Variants in SPATA16 observed in about 807,000 individuals in gnomAD.
The protein encoded by SPATA16 is spermatogenesis-associated protein 16.
A neutral mutation model predicts 63.3 loss-of-function variants in SPATA16; 36 were observed. The ratio of observed to expected loss-of-function variants is 0.57; its 90% confidence interval spans 0.44 to 0.75. The LOEUF (loss-of-function observed/expected upper bound fraction) is 0.75, where lower values mean the gene tolerates loss of function less well. SPATA16 is among the 30% of genes least tolerant of loss of function. The pLI is 0.00. For synonymous variants in SPATA16, 203 were observed against 216.7 expected, an observed-to-expected ratio of 0.94 and a Z score of 0.56; for missense variants, 646 against 679.3, an observed-to-expected ratio of 0.95 and a Z score of 0.54.
intron 2 of SPATA16, among the ~76,000 whole-genome samples, chr3:173,083,887 C>T (rs1161261500): frequency 6.6e-6 from 1 of 152,140 alleles, no homozygotes; most frequent in African/African-American, 2.4e-5. Context: ...TCCAGTCTAT[C>T]ATTGATGGGC....
At chr3:173,062,349 G>A (rs891958038) in intron 2 of SPATA16, among the ~76,000 whole-genome samples, 2 of 152,124 alleles carry the variant, frequency 1.3e-5, no homozygotes, top group African/African-American at 4.8e-5. Flanking sequence ...TAAAATGTTA[G>A]TAGTATGTTT....
intron 3 of SPATA16, among the ~76,000 whole-genome samples, chr3:173,031,229 G>C (rs1020529173): frequency 6.6e-6 from 1 of 151,928 alleles, no homozygotes; most frequent in Non-Finnish European, 1.5e-5. Context: ...TTTATGTTAT[G>C]TATATTTTAC....
intron 6 of SPATA16, among the ~76,000 whole-genome samples, chr3:172,956,409 C>A (rs1733596216): frequency 6.6e-6 from 1 of 152,078 alleles, no homozygotes. Flanking sequence ...TACTACAGGT[C>A]ATTCTTCCAT....
At chr3:172,896,103 T>G (rs1577080696) in intron 10 of SPATA16, among the ~76,000 whole-genome samples, 1 of 152,202 alleles carries the variant, frequency 6.6e-6, no homozygotes, top group East Asian at 1.9e-4. Flanking sequence ...ATGAGCCAGT[T>G]TATCTGTCTG....
chr3:173,060,099 A>G (rs1271185617), intron 2 of SPATA16, among the ~76,000 whole-genome samples: 1 of 152,064 alleles, frequency 6.6e-6, no homozygotes, highest in Non-Finnish European at 1.5e-5. Flanking sequence ...TCTACTAAAA[A>G]TATAAAAATT....
At chr3:172,950,344 A>G (rs934516379) in intron 6 of SPATA16, among the ~76,000 whole-genome samples, 1 of 152,204 alleles carries the variant, frequency 6.6e-6, no homozygotes, top group African/African-American at 2.4e-5. Flanking sequence ...TTAATATTTT[A>G]AGAAAAGAGA....
At chr3:173,029,277 G>GT (rs1241144493) in intron 3 of SPATA16, among the ~76,000 whole-genome samples, 1 of 151,776 alleles carries the variant, frequency 6.6e-6, no homozygotes, top group Non-Finnish European at 1.5e-5. Flanking sequence ...AAGAGTCTGA[G>GT]TTTTTTTTCC....
chr3:173,110,213 AGTTTATACTT>A (rs1480809074), intron 2 of SPATA16, among the ~76,000 whole-genome samples: 1 of 152,214 alleles, frequency 6.6e-6, no homozygotes, highest in Non-Finnish European at 1.5e-5. Flanking sequence ...GTTCACAGTC[AGTTTATACTT>A]GACAACTAAG....
intron 5 of SPATA16, among the ~76,000 whole-genome samples, chr3:172,970,813 G>A (rs1158399912): frequency 1.3e-5 from 2 of 152,128 alleles, no homozygotes; most frequent in Non-Finnish European, 2.9e-5. Context: ...AAATGTAGGT[G>A]TTTTGTTAAA....
At chr3:172,907,248 TTTTG>T (rs1204875076) in intron 10 of SPATA16, among the ~76,000 whole-genome samples, 2 of 152,142 alleles carry the variant, frequency 1.3e-5, no homozygotes, top group African/African-American at 4.8e-5. Flanking sequence ...TCCTGTTTTA[TTTTG>T]TTTGTGTTTT....
At chr3:173,108,129 C>T (rs1737661988) in intron 2 of SPATA16, among the ~76,000 whole-genome samples, 1 of 152,076 alleles carries the variant, frequency 6.6e-6, no homozygotes, top group Non-Finnish European at 1.5e-5. Flanking sequence ...CCTCAGCTTC[C>T]TATGGATTAA....
At chr3:173,073,812 T>G (rs1359961279) in intron 2 of SPATA16, among the ~76,000 whole-genome samples, 1 of 152,150 alleles carries the variant, frequency 6.6e-6, no homozygotes, top group Non-Finnish European at 1.5e-5. Flanking sequence ...GAATGCTAGA[T>G]CCACTGACAG....
intron 3 of SPATA16, among the ~76,000 whole-genome samples, chr3:173,025,969 T>C (rs945952965): frequency 1.3e-5 from 2 of 149,946 alleles, no homozygotes; most frequent in Non-Finnish European, 3.0e-5. Context: ...ATTCTAAGCA[T>C]ATGCTCAACT....
chr3:172,927,140 T>C (rs1170138638), intron 6 of SPATA16, among the ~76,000 whole-genome samples: 2 of 152,152 alleles, frequency 1.3e-5, no homozygotes, highest in Non-Finnish European at 2.9e-5. Flanking sequence ...ACAAGCCCAA[T>C]ATTAAAAGCC....
At chr3:173,075,861 A>G (rs1251633975) in intron 2 of SPATA16, among the ~76,000 whole-genome samples, 1 of 152,204 alleles carries the variant, frequency 6.6e-6, no homozygotes, top group Non-Finnish European at 1.5e-5. Flanking sequence ...TGGTAGCACA[A>G]TAGGATGACT....
At chr3:173,048,899 T>A in intron 3 of SPATA16, 50 bp downstream of exon 3, 1 of 1,608,248 alleles carries the variant, frequency 6.2e-7, no homozygotes, top group Non-Finnish European at 8.5e-7. Flanking sequence ...GATAGTACCC[T>A]CCACTAGCAT....
chr3:172,988,270 T>C (rs533120003), intron 4 of SPATA16, among the ~76,000 whole-genome samples: 1 of 152,238 alleles, frequency 6.6e-6, no homozygotes, highest in Non-Finnish European at 1.5e-5. Flanking sequence ...AGTTATGCAA[T>C]GTTTTGCCAA....
At chr3:173,000,669 A>G (rs1304495152) in intron 4 of SPATA16, among the ~76,000 whole-genome samples, 2 of 147,254 alleles carry the variant, frequency 1.4e-5, no homozygotes, top group African/African-American at 5.0e-5. Flanking sequence ...CTTTACACAT[A>G]TGTGACATCC....
intron 2 of SPATA16, among the ~76,000 whole-genome samples, chr3:173,089,547 T>G (rs73880428): frequency 0.037 from 5,570 of 152,196 alleles, 349 homozygotes; most frequent in African/African-American, 0.13. Flanking sequence ...GCCCATTAGC[T>G]TCTGCGGGAA....
Sources: gnomAD v4.1 joint callset for allele counts (sites outside exome capture counted in the v4.1 genomes callset) on GRCh38, gnomAD v4.1.1 for gene constraint, MANE v1.5 for transcripts, NCBI Gene and HGNC (gene_info 2026-07-23, HGNC 2026-07-21) for gene names.